The following PDGFA variants were observed in gnomAD, a reference collection of about 807,000 sequenced individuals.
PDGFA encodes platelet-derived growth factor subunit A.
PDGFA carries 9 observed loss-of-function variants against 25.6 expected under a neutral mutation model. The observed-to-expected ratio is 0.35, with a 90% confidence interval of 0.21 to 0.61. The LOEUF is 0.61. PDGFA is among the 20% of genes least tolerant of loss of function. The pLI is 0.75. For missense variants in PDGFA, 242 were observed against 272.8 expected, an observed-to-expected ratio of 0.89 and a Z score of 0.79; for synonymous variants, 133 against 111.8, an observed-to-expected ratio of 1.19 and a Z score of -1.20.
chr7:504,439 T>C (rs568136390), intron 4 of PDGFA, among the ~76,000 whole-genome samples: 1 of 152,132 alleles, frequency 6.6e-6, no homozygotes, highest in East Asian at 1.9e-4. Flanking sequence ...TAACTAGGGA[T>C]CCCAGTGCGC....
At chr7:504,020 C>A (rs947900206) in intron 4 of PDGFA, among the ~76,000 whole-genome samples, 1 of 152,194 alleles carries the variant, frequency 6.6e-6, no homozygotes, top group East Asian at 1.9e-4. Context: ...GAGGCCTCCG[C>A]AGGCCGTGCA....
intron 4 of PDGFA, among the ~76,000 whole-genome samples, chr7:507,530 C>T (rs1782613185): frequency 6.6e-6 from 1 of 152,226 alleles, no homozygotes; most frequent in Admixed American, 6.5e-5. Context: ...AGGGCCAAGC[C>T]CTCCTATCCT....
chr7:511,024 G>C (rs373937335), intron 3 of PDGFA, 28 bp from the exon 4 acceptor site: 9 of 1,592,750 alleles, frequency 5.7e-6, no homozygotes, highest in Non-Finnish European at 7.7e-6. Flanking sequence ...CAGTGAGCGG[G>C]GACCGGCCTC....
intron 3 of PDGFA, 61 bp downstream of exon 3, chr7:512,290 C>G: frequency 6.7e-7 from 1 of 1,487,358 alleles, no homozygotes; most frequent in Non-Finnish European, 9.2e-7. Flanking sequence ...CTGCCCATCG[C>G]GGCCTCCTGG....
chr7:501,502 G>A (rs1782339130), intron 4 of PDGFA, among the ~76,000 whole-genome samples: 1 of 152,182 alleles, frequency 6.6e-6, no homozygotes, highest in South Asian at 2.1e-4. Context: ...CATAGCCTCT[G>A]CAGCCTCAAG....
chr7:505,814 C>A (rs1782536151), intron 4 of PDGFA, among the ~76,000 whole-genome samples: 1 of 152,208 alleles, frequency 6.6e-6, no homozygotes, highest in South Asian at 2.1e-4. Flanking sequence ...CACCGCCCCA[C>A]AGCCCCACCT....
At chr7:505,136 G>T (rs1297736389) in intron 4 of PDGFA, among the ~76,000 whole-genome samples, 2 of 152,202 alleles carry the variant, frequency 1.3e-5, no homozygotes, top group African/African-American at 4.8e-5. Flanking sequence ...ATGAATATTG[G>T]ATTCTCACAA....
In PDGFA at chr7:518,922, G is replaced by T; in HGVS notation, c.63+17C>A. 1 of 1,505,100 alleles carries T rather than the reference G, an allele frequency of 6.6e-7. No individual in the cohort carries two copies. Among genetic ancestry groups the T allele is most frequent in the South Asian group, 1.3e-5 (1 of 79,990 alleles). 93.2% of individuals were successfully genotyped at this position (1,505,100 alleles called of 1,614,324 possible). A position where few individuals can be genotyped will look rare whatever the true frequency, so the allele number is the denominator to read the frequency against. On this transcript the variant is annotated intron_variant, in intron 1 of 5. Coordinates refer to ENST00000402802, the Ensembl canonical transcript of PDGFA. ...GGAGGAGCCGGCGCAGGGACGGGGC[G>T]CGGGGGCGGCACCAACCTCGGCCAG...
chr7:500,638 T>C lies in PDGFA; in HGVS notation c.580+478A>G. 1 of 1,488,452 alleles carries C rather than the reference T, an allele frequency of 6.7e-7. No homozygotes were observed. Among genetic ancestry groups the C allele is most frequent in the South Asian group, 1.3e-5 (1 of 75,562 alleles). The allele number at this position is 1,488,452 out of a possible 1,614,324, so 92.2% of individuals were successfully genotyped here. Reference sequence around the variant, plus strand: ...ACCCTGGCACCGAGAAACTTCTGAGTCCCCTCATGCTCCCAGGGCCCAGCC... The same window carrying C: ...ACCCTGGCACCGAGAAACTTCTGAGCCCCCTCATGCTCCCAGGGCCCAGCC... On this transcript the variant is annotated intron_variant, in intron 5 of 5. Transcript: ENST00000402802. This position sits in a 1 kb window ranked among gnomAD's most constrained non-coding sequence, Gnocchi z 5.0.
At position 517,313 on chromosome 7, in the gene PDGFA, G is replaced by T; in HGVS notation, c.160+81C>A. 4.1e-6 allele frequency: 2 copies of T among 489,064 alleles called. No individual in the cohort carries two copies. The highest frequency in any genetic ancestry group is 6.2e-6 in the Non-Finnish European group (2 of 324,764). 30.3% of individuals were successfully genotyped at this position (489,064 alleles called of 1,614,324 possible). ...ACCTTTCGGTGCGCTCCTGCGCGGC[G>T]CCCCGCCCGGCCCCAGCTCGGGGCG... On this transcript the variant is annotated intron_variant, in intron 2 of 5. Coordinates refer to ENST00000402802, the Ensembl canonical transcript of PDGFA. The surrounding 1 kb of genome is among the most constrained non-coding windows in gnomAD (Gnocchi z 7.4).
chr7:516,049 C>CGCG lies in PDGFA; in HGVS notation c.160+1344_160+1345insCGC, dbSNP rs1554276003. ...CCTTCTCCAGGAAGCAGCCCCCCCC[C>CGCG]CCCACTTTTCCAAACCCATCCAGGA... On this transcript the variant is annotated intron_variant, in intron 2 of 5. Coordinates refer to ENST00000402802, the Ensembl canonical transcript of PDGFA. 1.7e-3 allele frequency among the ~76,000 whole-genome samples: 145 copies of CGCG among 86,014 alleles called. 1 individual carries two copies. Among genetic ancestry groups the CGCG allele is most frequent in the South Asian group, 9.7e-3 (18 of 1,852 alleles). 56.4% of individuals were successfully genotyped at this position (86,014 alleles called of 152,430 possible).
intron 5 of PDGFA, 140 bp from the exon 6 acceptor site, chr7:498,714 A>T: frequency 1.3e-6 from 1 of 796,412 alleles, no homozygotes; most frequent in Non-Finnish European, 2.1e-6. Flanking sequence ...GTTTTCAAGA[A>T]ATTTCCAGAA....
In PDGFA at chr7:517,514, AGCGCCCGCGGCCCCGACCCCGCCGGCAC is replaced by A; in HGVS notation, c.64-52_64-25del. ...TCCTGCAAGCAGAGGCCACACGGTC[AGCGCCCGCGGCCCCGACCCCGCCGGCAC>A]GCGCCCCCGGCCGCCAGGAGCGCCG... On this transcript the variant is annotated intron_variant, in intron 1 of 5. Coordinates refer to ENST00000402802, the Ensembl canonical transcript of PDGFA. The surrounding 1 kb of genome is among the most constrained non-coding windows in gnomAD (Gnocchi z 7.4). 8.6e-7 allele frequency: 1 copy of A among 1,169,548 alleles called. No homozygotes were observed. Among genetic ancestry groups the A allele is most frequent in the South Asian group, 2.5e-5 (1 of 40,468 alleles). The allele number at this position is 1,169,548 out of a possible 1,614,324, so 72.4% of individuals were successfully genotyped here.
intron 4 of PDGFA, among the ~76,000 whole-genome samples, chr7:509,462 TG>T (rs1292965676): frequency 4.6e-5 from 7 of 152,142 alleles, no homozygotes; most frequent in African/African-American, 1.7e-4. Context: ...GGCTAATTTT[TG>T]TATTTCTTGT....
intron 4 of PDGFA, among the ~76,000 whole-genome samples, chr7:505,516 T>G (rs1042564957): frequency 3.9e-5 from 6 of 152,192 alleles, no homozygotes; most frequent in African/African-American, 1.4e-4. Context: ...AGCCACTCCC[T>G]GCGGGGGACC....
At chr7:510,751 G>C (rs1369906709) in intron 4 of PDGFA, 58 bp downstream of exon 4, 3 of 497,480 alleles carry the variant, frequency 6.0e-6, no homozygotes, top group Non-Finnish European at 1.0e-5. Flanking sequence ...GAGGAGAGGA[G>C]GGGAGGGGAG....
exon 6 of PDGFA, chr7:498,175 AG>A: frequency 4.4e-6 from 1 of 228,878 alleles, no homozygotes; most frequent in Non-Finnish European, 8.6e-6. Context: ...TCGGCAAAAA[AG>A]CACCTGTGAC....
Position 517,486 on chromosome 7 carries a change from G to T in PDGFA, c.68C>A (p.Ala23Asp). 2 of 1,321,436 alleles carry T rather than the reference G, an allele frequency of 1.5e-6. No homozygotes were observed. The allele number at this position is 1,321,436 out of a possible 1,614,324, so 81.9% of individuals were successfully genotyped here. ...CTCGATCACCTCGCGGGGGATCTCG[G>T]CTTCCTGCAAGCAGAGGCCACACGG... Residue 23 changes from alanine (A) to aspartate (D), a missense_variant, in exon 2 of 6, where the codon GCC becomes GAC. By Grantham distance (126) the Ala-to-Asp change is moderately radical. This residue lies in a region of PDGFA where 113 missense variants were observed against 98.3 expected (regional missense o/e 1.15). Transcript: ENST00000402802. The surrounding 1 kb of genome is among the most constrained non-coding windows in gnomAD (Gnocchi z 7.4).
chr7:509,982 C>G (rs1041183061), intron 4 of PDGFA, among the ~76,000 whole-genome samples: 2 of 151,896 alleles, frequency 1.3e-5, no homozygotes, highest in African/African-American at 4.8e-5. Flanking sequence ...GGGGGGAAGC[C>G]GGGGGGGCCC....
Sources: allele counts gnomAD v4.1 joint callset (sites outside exome capture counted in the v4.1 genomes callset), GRCh38; gene constraint gnomAD v4.1.1; regional missense constraint gnomAD v4.1.1; non-coding constraint Gnocchi (gnomAD v3.1); transcripts MANE v1.5; gene names NCBI Gene and HGNC (gene_info 2026-07-23, HGNC 2026-07-21).